Variants in ACTG1 observed in about 807,000 individuals in gnomAD.
ACTG1 encodes the protein actin gamma 1.
Under a neutral mutation model 34.3 loss-of-function variants are expected in ACTG1, and 14 were observed. That is an observed-to-expected ratio of 0.41 (90% CI 0.27 to 0.64). The LOEUF is 0.64. Among genes scored for constraint, ACTG1 ranks in the 30% least tolerant of loss-of-function variants. The pLI is 0.33. For missense variants in ACTG1, 233 were observed against 529.5 expected (o/e 0.44, Z 5.50); for synonymous variants, 422 against 213.9 (o/e 1.97, Z -8.49).
At chr17:81,510,854 G>T (rs782474397) in intron 5 of ACTG1, 21 bp from the exon 6 acceptor site, 3 of 1,607,226 alleles carry the variant, frequency 1.9e-6, no homozygotes, top group African/African-American at 1.4e-5. Context: ...AGCCAGGCAC[G>T]GCTTCAGCTC....
At position 81,510,579 on chromosome 17, in the gene ACTG1, A is replaced by G. The variant is rs782600479; in HGVS notation, c.*111T>C. The stretch of plus-strand genomic sequence containing the variant: ...AAGCTTCAAGGACAATTTCTTTTCG[A>G]AGGCTTATTCCAGTTTCGTGAGGCT... On this transcript the variant is annotated 3_prime_UTR_variant, in exon 6 of 6. Transcript: ENST00000573283. 2 of 1,385,984 alleles carry G rather than the reference A, an allele frequency of 1.4e-6. No individual in the cohort carries two copies. The highest frequency in any genetic ancestry group is 1.2e-5 in the South Asian group (1 of 86,222). The allele number at this position is 1,385,984 out of a possible 1,614,324, so 85.9% of individuals were successfully genotyped here. A position where few individuals can be genotyped will look rare whatever the true frequency, so the allele number is the denominator to read the frequency against.
At chr17:81,511,858 A>AC in intron 3 of ACTG1, 45 bp downstream of exon 3, 1 of 1,611,898 alleles carries the variant, frequency 6.2e-7, no homozygotes, top group Non-Finnish European at 8.5e-7. Flanking sequence ...GCAGAAAATG[A>AC]CTGGGGAAAG....
In ACTG1 at chr17:81,512,360, C is replaced by T. The variant is rs782401677; in HGVS notation, c.-6G>A. The T allele has an allele frequency of 1.2e-6, 2 of 1,613,978 alleles. No individual in the cohort carries two copies. The highest frequency in any genetic ancestry group is 1.7e-6 in the Non-Finnish European group (2 of 1,179,952). ...GCGGCGATCTCTTCTTCCATTGCGA[C>T]CTGCCCGGAAAAGGATGGACTCAGG... On this transcript the variant is annotated splice_region_variant and 5_prime_UTR_variant, in exon 2 of 6. Transcript: ENST00000573283.
rs1211732458 is a variant in ACTG1 at position 81,510,284 on chromosome 17, G to A, written c.*406C>T. The stretch of plus-strand genomic sequence containing the variant: ...AAGACAAAACAACTGGTTCTTGCCA[G>A]CCTCTAGAGAAATCCCAGAACACTC... On this transcript the variant is annotated 3_prime_UTR_variant, in exon 6 of 6. Coordinates refer to ENST00000573283, the MANE Select transcript of ACTG1 (RefSeq NM_001614.5). The A allele has an allele frequency of 2.0e-6, 1 of 493,524 alleles. No homozygotes were observed. Among genetic ancestry groups the A allele is most frequent in the Middle Eastern group, 6.8e-4 (1 of 1,464 alleles). The allele number at this position is 493,524 out of a possible 1,614,324, so 30.6% of individuals were successfully genotyped here.
chr17:81,510,878 C>G (rs782202746), intron 5 of ACTG1, 45 bp from the exon 6 acceptor site: 63 of 1,610,308 alleles, frequency 3.9e-5, no homozygotes, highest in Middle Eastern at 3.3e-4. Context: ...GAGCGCCCCC[C>G]AGTCAGCTCT....
rs138210010 is a variant in ACTG1, at chr17:81,511,646, G to A, written c.364-20C>T. ...CATAATCTGAGAAGGGACAAGGGGC[G>A]GCTTAGTCAGGGACAGAGACCCACG... On this transcript the variant is annotated intron_variant, in intron 3 of 5. Coordinates refer to ENST00000573283, the MANE Select transcript of ACTG1 (RefSeq NM_001614.5). 6.4e-5 allele frequency: 103 copies of A among 1,609,436 alleles called. No individual in the cohort carries two copies. Among genetic ancestry groups the A allele is most frequent in the Middle Eastern group, 3.3e-4 (2 of 6,040 alleles).
In ACTG1 at chr17:81,510,749, T is replaced by C; in HGVS notation, c.1069A>G (p.Ile357Val). ...ASLSTFQQMW[I>V]SKQEYDESGP... ...GACTCGTCGTACTCCTGCTTGCTAA[T>C]CCACATCTGCTGGAAGGTGGACAGT... The change falls in exon 6 of 6, where the codon ATT (isoleucine) becomes GTT (valine). Residue 357 changes from isoleucine to valine, a missense_variant. Transcript: ENST00000573283. 6.2e-7 allele frequency: 1 copy of C among 1,614,036 alleles called. No individual in the cohort carries two copies. Among genetic ancestry groups the C allele is most frequent in the South Asian group, 1.1e-5 (1 of 91,080 alleles).
At chr17:81,510,888 T>TC in intron 5 of ACTG1, 39 bp downstream of exon 5, 1 of 1,613,680 alleles carries the variant, frequency 6.2e-7, no homozygotes, top group South Asian at 1.1e-5. Flanking sequence ...CAGTCAGCTC[T>TC]CCCGAGCCAG....
At chr17:81,511,861 G>T (rs782800711) in intron 3 of ACTG1, 42 bp downstream of exon 3, 1 of 1,612,160 alleles carries the variant, frequency 6.2e-7, no homozygotes, top group Non-Finnish European at 8.5e-7. Flanking sequence ...GAAAATGACT[G>T]GGGAAAGGAC....
intron 3 of ACTG1, 62 bp downstream of exon 3, chr17:81,511,841 A>G (rs532474677): frequency 1.2e-6 from 2 of 1,609,956 alleles, no homozygotes; most frequent in African/African-American, 1.3e-5. Flanking sequence ...GTCAGAAATC[A>G]AGCCGGGCAG....
chr17:81,511,877 G>C, intron 3 of ACTG1, 26 bp downstream of exon 3: 1 of 1,613,972 alleles, frequency 6.2e-7, no homozygotes, highest in Non-Finnish European at 8.5e-7. Flanking sequence ...AGGACGGGAG[G>C]AGCACGGGCG....
chr17:81,511,354 G>C lies in ACTG1; in HGVS notation c.636C>G (p.Ile212Met). Residue 212 changes from isoleucine to methionine, a missense_variant, in exon 4 of 6, where the codon ATC becomes ATG. Coordinates refer to ENST00000573283, the MANE Select transcript of ACTG1 (RefSeq NM_001614.5). Reference sequence around the variant, plus strand: ...GGGCGACGTAGCACAGCTTCTCCTTGATGTCGCGCACGATTTCCCGCTCGG... The same window carrying C: ...GGGCGACGTAGCACAGCTTCTCCTTCATGTCGCGCACGATTTCCCGCTCGG... Reference protein sequence around the residue: ...TTAEREIVRDIKEKLCYVALD... With the variant: ...TTAEREIVRDMKEKLCYVALD... 6.2e-7 allele frequency: 1 copy of C among 1,613,936 alleles called. No individual in the cohort carries two copies. The highest frequency in any genetic ancestry group is 8.5e-7 in the Non-Finnish European group (1 of 1,180,038).
intron 3 of ACTG1, 94 bp downstream of exon 3, chr17:81,511,809 A>G: frequency 6.3e-7 from 1 of 1,597,482 alleles, no homozygotes; most frequent in Non-Finnish European, 8.6e-7. Context: ...AGAGCCTGGA[A>G]CAGCGAAAGA....
intron 3 of ACTG1, 84 bp from the exon 4 acceptor site, chr17:81,511,710 A>C (rs2031793390): frequency 1.3e-6 from 2 of 1,523,030 alleles, no homozygotes; most frequent in African/African-American, 1.4e-5. Context: ...GCTGCATGCC[A>C]GTGTGATGTG....
rs1568060200 is a variant in ACTG1, at chr17:81,510,815, G to A, written c.1003C>T (p.Arg335Cys). 1 of 1,613,952 alleles carries A rather than the reference G, an allele frequency of 6.2e-7. No individual in the cohort carries two copies. Among genetic ancestry groups the A allele is most frequent in the Non-Finnish European group, 8.5e-7 (1 of 1,179,990 alleles). The change falls in exon 6 of 6, where the codon CGC (arginine) becomes TGC (cysteine). Residue 335 changes from arginine (R) to cysteine (C), a missense_variant. Physicochemically the swap from Arg to Cys is radical, Grantham distance 180. Transcript: ENST00000573283. ...CCACCGATCCACACCGAGTACTTGCGCTCTGGGGGTGCGATGATCTGCAAA... is the reference window on the plus strand; with the variant it reads ...CCACCGATCCACACCGAGTACTTGCACTCTGGGGGTGCGATGATCTGCAAA... ...MKIKIIAPPERKYSVWIGGSI... is the reference protein window; with the variant it reads ...MKIKIIAPPECKYSVWIGGSI...
chr17:81,512,080 A>G lies in ACTG1; in HGVS notation c.186T>C (p.Arg62=). The G allele has an allele frequency of 2.5e-6, 4 of 1,613,920 alleles. No individual in the cohort carries two copies. The highest frequency in any genetic ancestry group is 3.4e-6 in the Non-Finnish European group (4 of 1,180,016). ...TGGGGTACTTCAGGGTCAGGATGCCACGCTTGCTCTGGGCCTCGTCGCCCA... is the reference window on the plus strand; with the variant it reads ...TGGGGTACTTCAGGGTCAGGATGCCGCGCTTGCTCTGGGCCTCGTCGCCCA... ...SYVGDEAQSK[R]GILTLKYPIE... is the part of the protein sequence containing the mutation. Residue 62 remains arginine (R), a synonymous_variant, in exon 3 of 6, where the codon CGT becomes CGC. Transcript: ENST00000573283.
rs373268725 is a variant in ACTG1 at position 81,511,180 on chromosome 17, A to C, written c.802+8T>G. The C allele has an allele frequency of 8.7e-6, 14 of 1,613,502 alleles. No homozygotes were observed. In the Admixed American group the frequency reaches 1.3e-4, roughly 15 times the overall value. On this transcript the variant is annotated splice_region_variant and intron_variant, in intron 4 of 5. Transcript: ENST00000573283. ...TAAGAGTAGAAACCTTTAGCTCACA[A>C]CACCTACCCAGGAAGGAAGGCTGGA...
In ACTG1 at chr17:81,510,190, G is replaced by T. The variant is rs117115846; in HGVS notation, c.*500C>A. 1 of 517,488 alleles carries T rather than the reference G, an allele frequency of 1.9e-6. No individual in the cohort carries two copies. 32.1% of individuals were successfully genotyped at this position (517,488 alleles called of 1,614,324 possible). On this transcript the variant is annotated 3_prime_UTR_variant, in exon 6 of 6. Transcript: ENST00000573283. ...GCAAGTAACAGCCCACGGTGTTCTG[G>T]CCAAAGACATCAGCTAAGAAAGGAA...
At chr17:81,511,687 C>T in intron 3 of ACTG1, 61 bp from the exon 4 acceptor site, 1 of 1,558,436 alleles carries the variant, frequency 6.4e-7, no homozygotes, top group Non-Finnish European at 8.8e-7. Context: ...CCCATGCTCA[C>T]ACGCCACAAC....
Sources: gnomAD v4.1 joint callset for allele counts on GRCh38, gnomAD v4.1.1 for gene constraint, MANE v1.5 for transcripts, NCBI Gene and HGNC (gene_info 2026-07-23, HGNC 2026-07-21) for gene names.